The following KLF13 variants were observed in gnomAD, a reference collection of about 807,000 sequenced individuals.
KLF13 encodes the protein Krueppel-like factor 13.
Under a neutral mutation model 16.7 loss-of-function variants are expected in KLF13, and 8 were observed. That is an observed-to-expected ratio of 0.48 (90% CI 0.28 to 0.87). KLF13 has a LOEUF of 0.87. KLF13 is among the 40% of genes least tolerant of loss of function. The pLI, the probability that KLF13 is intolerant of heterozygous loss-of-function variation, is 0.10. For synonymous variants in KLF13, 245 were observed against 208.4 expected (o/e 1.18, Z -1.51); for missense variants, 447 against 452.2 (o/e 0.99, Z 0.10).
intron 1 of KLF13, among the ~76,000 whole-genome samples, chr15:31,409,899 A>T (rs2040171230): frequency 6.6e-6 from 1 of 152,204 alleles, no homozygotes; most frequent in Non-Finnish European, 1.5e-5. Flanking sequence ...TGGCAGAAAA[A>T]AATACGATAC....
intron 1 of KLF13, among the ~76,000 whole-genome samples, chr15:31,429,006 C>T (rs2040435553): frequency 6.6e-6 from 1 of 152,042 alleles, no homozygotes; most frequent in Admixed American, 6.6e-5. Flanking sequence ...ATTTGCAGGA[C>T]TCATACAAAA....
At chr15:31,368,722 GGC>G (rs2039512945) in intron 1 of KLF13, among the ~76,000 whole-genome samples, 1 of 152,084 alleles carries the variant, frequency 6.6e-6, no homozygotes, top group South Asian at 2.1e-4. Flanking sequence ...AGCGTGGGTA[GGC>G]GCCTGTAATC....
At position 31,338,691 on chromosome 15, in the gene KLF13, C is replaced by T. The variant is rs751310181; in HGVS notation, c.577+10902C>T. Among the ~76,000 whole-genome samples, 4 of 152,056 alleles carry T rather than the reference C, an allele frequency of 2.6e-5. No homozygotes were observed. The South Asian group carries it at 8.3e-4, about 32-fold the overall frequency. Reference sequence around the variant, plus strand: ...GGTACTCCATCTTGGGCCATTCTGCCCCCTGGTCTCTCTGCTCCTCCTCTG... The same window carrying T: ...GGTACTCCATCTTGGGCCATTCTGCTCCCTGGTCTCTCTGCTCCTCCTCTG... On this transcript the variant is annotated intron_variant, in intron 1 of 1. Coordinates refer to ENST00000307145, the MANE Select transcript of KLF13 (RefSeq NM_015995.4).
At chr15:31,388,399 G>A (rs1451764863), upstream of KLF13, among the ~76,000 whole-genome samples, 2 of 152,028 alleles carry the variant, frequency 1.3e-5, no homozygotes, top group Non-Finnish European at 2.9e-5. Flanking sequence ...ATCACCTGAG[G>A]TCAGGAGTTC....
intron 1 of KLF13, among the ~76,000 whole-genome samples, chr15:31,344,020 A>C (rs962572059): frequency 6.6e-6 from 1 of 152,174 alleles, no homozygotes; most frequent in Non-Finnish European, 1.5e-5. Context: ...TGCTGCCCTA[A>C]ATACTTGCTG....
At chr15:31,400,980 A>G (rs958554835) in intron 2 of KLF13, among the ~76,000 whole-genome samples, 1 of 151,936 alleles carries the variant, frequency 6.6e-6, no homozygotes. Flanking sequence ...AGGTGCTGCA[A>G]TGTGTCCCGT....
intron 1 of KLF13, among the ~76,000 whole-genome samples, chr15:31,349,376 C>T (rs2039180288): frequency 6.6e-6 from 1 of 152,228 alleles, no homozygotes; most frequent in African/African-American, 2.4e-5. Flanking sequence ...CCAATGCCCG[C>T]TGGGCCACAT....
chr15:31,332,573 C>T (rs2038851839), intron 1 of KLF13, among the ~76,000 whole-genome samples: 2 of 152,212 alleles, frequency 1.3e-5, no homozygotes, highest in South Asian at 4.1e-4. Context: ...GGACGCAGTT[C>T]ATTAAACCAG....
chr15:31,425,751 C>T (rs1476763574), intron 1 of KLF13, among the ~76,000 whole-genome samples: 2 of 152,172 alleles, frequency 1.3e-5, no homozygotes, highest in African/African-American at 4.8e-5. Context: ...TTAGCACATG[C>T]CTGTAATCCC....
chr15:31,407,112 A>G (rs934655565), downstream of KLF13, among the ~76,000 whole-genome samples: 1 of 152,212 alleles, frequency 6.6e-6, no homozygotes, highest in Admixed American at 6.5e-5. Flanking sequence ...TGTTGGGGGA[A>G]TAATTTCCCA....
intron 1 of KLF13, among the ~76,000 whole-genome samples, chr15:31,424,970 T>G (rs2040384126): frequency 6.6e-6 from 1 of 150,516 alleles, no homozygotes; most frequent in Admixed American, 6.6e-5. Context: ...CACATGAAAT[T>G]AGTTTTATTT....
chr15:31,333,607 C>G (rs368267136), intron 1 of KLF13, among the ~76,000 whole-genome samples: 1 of 151,892 alleles, frequency 6.6e-6, no homozygotes, highest in Non-Finnish European at 1.5e-5. Context: ...CTATATTTTT[C>G]TCCCTTTTCC....
chr15:31,398,737 G>C (rs1254158491), intron 2 of KLF13, among the ~76,000 whole-genome samples: 1 of 152,148 alleles, frequency 6.6e-6, no homozygotes, highest in Non-Finnish European at 1.5e-5. Flanking sequence ...GGCCAAGGCT[G>C]TTGGAGCTGA....
intron 1 of KLF13, among the ~76,000 whole-genome samples, chr15:31,329,913 C>G (rs545219824): frequency 1.3e-5 from 2 of 152,262 alleles, no homozygotes; most frequent in East Asian, 3.9e-4. Context: ...TGATGCCGAC[C>G]TAGTACACAC....
rs959048364 is a variant in KLF13, at chr15:31,327,695, G to A, written c.483G>A (p.Glu161=). The change falls in exon 1 of 2, where the codon GAG becomes GAA. Residue 161 remains glutamate (E), a synonymous_variant. Coordinates refer to ENST00000307145, the MANE Select transcript of KLF13 (RefSeq NM_015995.4). ...GGGGCCGAAGTCGCGCCGACCTCGA[G>A]TCCCCGCAGAGGAAGCACAAGTGCC... ...VRRGRSRADL[E]SPQRKHKCHY... The A allele has an allele frequency of 2.0e-6, 3 of 1,535,722 alleles. No individual in the cohort carries two copies. The highest frequency in any genetic ancestry group is 1.9e-5 in the Admixed American group (1 of 53,650).
intron 1 of KLF13, among the ~76,000 whole-genome samples, chr15:31,328,874 T>C (rs2038773768): frequency 6.6e-6 from 1 of 152,226 alleles, no homozygotes; most frequent in Non-Finnish European, 1.5e-5. Context: ...TCACCTCTTC[T>C]ACCTTGGGGG....
chr15:31,387,178 G>C (rs2039804640), intron 1 of KLF13, among the ~76,000 whole-genome samples: 1 of 152,136 alleles, frequency 6.6e-6, no homozygotes, highest in Admixed American at 6.5e-5. Flanking sequence ...TTTTACCGTG[G>C]GTAAAATGCT....
chr15:31,353,484 C>T (rs559211772), intron 1 of KLF13, among the ~76,000 whole-genome samples: 2 of 152,328 alleles, frequency 1.3e-5, no homozygotes, highest in East Asian at 3.9e-4. Flanking sequence ...GGGCCTGGTC[C>T]CACCAGGGCT....
chr15:31,395,199 C>T (rs1159927359), intron 2 of KLF13, among the ~76,000 whole-genome samples: 6 of 152,160 alleles, frequency 3.9e-5, no homozygotes, highest in Admixed American at 6.5e-5. Flanking sequence ...AGTCTGGTCT[C>T]GAACTCCTGA....
Sources: allele counts gnomAD v4.1 joint callset (sites outside exome capture counted in the v4.1 genomes callset), GRCh38; gene constraint gnomAD v4.1.1; transcripts MANE v1.5; gene names NCBI Gene and HGNC (gene_info 2026-07-23, HGNC 2026-07-21).